Variants in GALNT17 observed in about 807,000 individuals in gnomAD.
The protein encoded by GALNT17 is polypeptide N-acetylgalactosaminyltransferase 17, also known as UDP-GalNAc:polypeptide N-acetylgalactosaminyltransferase-like 3.
GALNT17 carries 29 observed loss-of-function variants against 63.7 expected under a neutral mutation model. The observed-to-expected ratio is 0.46, with a 90% confidence interval of 0.34 to 0.62. The LOEUF is 0.62. Ranked by LOEUF, GALNT17 falls within the 20% of genes least tolerant of loss-of-function variation. The probability of loss-of-function intolerance (pLI) is 0.01; values close to 1 mark genes in which losing one functional copy is unlikely to be tolerated. For synonymous variants in GALNT17, 305 were observed against 318.3 expected (o/e 0.96, Z 0.45); for missense variants, 603 against 799.6 (o/e 0.75, Z 2.97).
chr7:71,580,609 G>A (rs1469501795), intron 6 of GALNT17, among the ~76,000 whole-genome samples: 2 of 152,144 alleles, frequency 1.3e-5, no homozygotes, highest in African/African-American at 4.8e-5. Context: ...GTGAGGAGGG[G>A]CTTGACCTAT....
chr7:71,296,589 C>G (rs1027882362), intron 1 of GALNT17, among the ~76,000 whole-genome samples: 1 of 151,032 alleles, frequency 6.6e-6, no homozygotes, highest in Non-Finnish European at 1.5e-5. Context: ...GCACTCCAGC[C>G]TGGGCAACAG....
At chr7:71,586,365 T>C (rs1342973938) in intron 6 of GALNT17, among the ~76,000 whole-genome samples, 1 of 152,234 alleles carries the variant, frequency 6.6e-6, no homozygotes, top group East Asian at 1.9e-4. Context: ...CAACACAGTC[T>C]TTGTCGTTTA....
At chr7:71,677,846 G>A (rs1474852606) in intron 9 of GALNT17, among the ~76,000 whole-genome samples, 1 of 152,072 alleles carries the variant, frequency 6.6e-6, no homozygotes, top group East Asian at 1.9e-4. Flanking sequence ...GTGTGTAGTG[G>A]TTTTGCATTC....
chr7:71,576,623 T>A (rs1446097467), intron 6 of GALNT17, among the ~76,000 whole-genome samples: 3 of 151,216 alleles, frequency 2.0e-5, no homozygotes, highest in Non-Finnish European at 2.9e-5. Flanking sequence ...CAGGCTGGAG[T>A]GCAATGGCAC....
At chr7:71,315,225 T>C (rs941843232) in intron 1 of GALNT17, among the ~76,000 whole-genome samples, 1 of 152,230 alleles carries the variant, frequency 6.6e-6, no homozygotes, top group Non-Finnish European at 1.5e-5. Flanking sequence ...TATAGTCAAA[T>C]CATATTCCAT....
chr7:71,135,505 C>A (rs1239497102), intron 1 of GALNT17, among the ~76,000 whole-genome samples: 1 of 152,198 alleles, frequency 6.6e-6, no homozygotes, highest in Non-Finnish European at 1.5e-5. Flanking sequence ...AGTGTCAGAG[C>A]TGGGAATCGA....
chr7:71,503,634 G>C (rs907936356), intron 5 of GALNT17, among the ~76,000 whole-genome samples: 1 of 152,198 alleles, frequency 6.6e-6, no homozygotes, highest in Non-Finnish European at 1.5e-5. Context: ...ATGTAGCCAA[G>C]ATTTCAGTAC....
At chr7:71,363,246 C>T (rs189116087) in intron 2 of GALNT17, among the ~76,000 whole-genome samples, 1 of 152,254 alleles carries the variant, frequency 6.6e-6, no homozygotes, top group Admixed American at 6.5e-5. Context: ...GGATTACAGT[C>T]GTGAGCCACT....
At chr7:71,201,091 A>G (rs1211637658) in intron 1 of GALNT17, among the ~76,000 whole-genome samples, 1 of 151,416 alleles carries the variant, frequency 6.6e-6, no homozygotes, top group Non-Finnish European at 1.5e-5. Flanking sequence ...GAGTGTGCCC[A>G]CTGTTTTGAT....
intron 5 of GALNT17, among the ~76,000 whole-genome samples, chr7:71,499,369 T>C (rs1788144837): frequency 6.6e-6 from 1 of 152,174 alleles, no homozygotes; most frequent in Non-Finnish European, 1.5e-5. Context: ...CAGACCAGCC[T>C]GGGCAACATA....
At chr7:71,566,693 A>G (rs1039260870) in intron 5 of GALNT17, among the ~76,000 whole-genome samples, 6 of 137,428 alleles carry the variant, frequency 4.4e-5, no homozygotes, top group Non-Finnish European at 6.1e-5. Context: ...CCTGCTCTGG[A>G]TCATAAGTAG....
At chr7:71,521,205 A>G (rs915320110) in intron 5 of GALNT17, among the ~76,000 whole-genome samples, 3 of 151,458 alleles carry the variant, frequency 2.0e-5, no homozygotes, top group Admixed American at 1.3e-4. Context: ...GGGCTAAGGC[A>G]TGGATGCTCA....
chr7:71,462,706 A>C (rs1291568937), intron 5 of GALNT17, among the ~76,000 whole-genome samples: 1 of 152,206 alleles, frequency 6.6e-6, no homozygotes, highest in Non-Finnish European at 1.5e-5. Flanking sequence ...GGTCCCAGAT[A>C]GGTGAGAGAC....
chr7:71,254,908 T>A, intron 1 of GALNT17, among the ~76,000 whole-genome samples: 1 of 152,240 alleles, frequency 6.6e-6, no homozygotes, highest in East Asian at 1.9e-4. Context: ...GAGAAGATTC[T>A]GGGTCTAGTT....
At chr7:71,537,567 T>C (rs1788821376) in intron 5 of GALNT17, among the ~76,000 whole-genome samples, 1 of 152,080 alleles carries the variant, frequency 6.6e-6, no homozygotes, top group Non-Finnish European at 1.5e-5. Context: ...ATCCCAGCAC[T>C]TTGGGAGGCC....
intron 1 of GALNT17, among the ~76,000 whole-genome samples, chr7:71,206,321 C>G (rs1789271042): frequency 6.6e-6 from 1 of 151,912 alleles, no homozygotes; most frequent in Admixed American, 6.6e-5. Flanking sequence ...TCCATGGACC[C>G]TTTCTGACAG....
At chr7:71,428,197 T>C (rs1226429293) in intron 5 of GALNT17, among the ~76,000 whole-genome samples, 1 of 152,154 alleles carries the variant, frequency 6.6e-6, no homozygotes, top group East Asian at 1.9e-4. Flanking sequence ...CTACTTCCAG[T>C]TTTCTTATTC....
intron 4 of GALNT17, 62 bp from the exon 5 acceptor site, chr7:71,420,846 T>C: frequency 1.9e-6 from 3 of 1,582,666 alleles, no homozygotes; most frequent in South Asian, 1.1e-5. Context: ...TTCCGTGTGG[T>C]CTTGGGAGGT....
At chr7:71,665,346 C>T (rs1484804166) in intron 6 of GALNT17, 65 bp from the exon 7 acceptor site, 3 of 1,510,364 alleles carry the variant, frequency 2.0e-6, no homozygotes, top group Non-Finnish European at 2.7e-6. Context: ...TGCTTTTGGG[C>T]TTGGGGAGGG....
Sources: gnomAD v4.1 joint callset for allele counts (sites outside exome capture counted in the v4.1 genomes callset) on GRCh38, gnomAD v4.1.1 for gene constraint, MANE v1.5 for transcripts, NCBI Gene and HGNC (gene_info 2026-07-23, HGNC 2026-07-21) for gene names.